CADM2: variants seen among roughly 807,000 people sequenced by gnomAD.
CADM2 encodes the protein immunoglobulin superfamily member 4D.
In CADM2, 12 loss-of-function variants were observed where a neutral mutation model predicts 49.8. The ratio of observed to expected loss-of-function variants is 0.24; its 90% CI spans 0.15 to 0.39. The LOEUF (loss-of-function observed/expected upper bound fraction) is 0.39. CADM2 is among the 10% of genes least tolerant of loss of function. The pLI is 1.00. For missense variants in CADM2, 378 were observed against 492.3 expected (o/e 0.77, Z 2.20); for synonymous variants, 214 against 175.4 (o/e 1.22, Z -1.74).
chr3:85,225,271 T>C (rs950255257), intron 1 of CADM2, among the ~76,000 whole-genome samples: 2 of 152,200 alleles, frequency 1.3e-5, no homozygotes, highest in African/African-American at 4.8e-5. Context: ...TCCTCTTTTA[T>C]TTCCTTGAGC....
chr3:85,387,778 T>C (rs2034312555), intron 1 of CADM2, among the ~76,000 whole-genome samples: 1 of 152,184 alleles, frequency 6.6e-6, no homozygotes, highest in Admixed American at 6.5e-5. Context: ...TTCAATACGA[T>C]TACATTTCTT....
In CADM2 at chr3:85,468,178, AAAAC is replaced by A. The variant is rs1375294397; in HGVS notation, c.62-258342_62-258339del. Among the ~76,000 whole-genome samples, 196 of 150,674 alleles carry A rather than the reference AAAAC, an allele frequency of 1.3e-3. 2 individuals are homozygous for A. Among genetic ancestry groups the A allele is most frequent in the Non-Finnish European group, 1.8e-3 (122 of 67,646 alleles). On this transcript the variant is annotated intron_variant, in intron 1 of 9. Coordinates refer to ENST00000383699, the MANE Select transcript of CADM2 (RefSeq NM_001167675.2). ...CAAAAAAAAAAAAAAAAAAAAAAAA[AAAAC>A]ATTGAGGCAGGAAAACTAATATCGA...
chr3:85,368,048 A>G (rs2032926936), intron 1 of CADM2, among the ~76,000 whole-genome samples: 1 of 152,256 alleles, frequency 6.6e-6, no homozygotes, highest in South Asian at 2.1e-4. Context: ...AATTTATTAC[A>G]CACAAAAATT....
At chr3:85,854,787 A>T (rs142025719) in intron 3 of CADM2, among the ~76,000 whole-genome samples, 6 of 152,282 alleles carry the variant, frequency 3.9e-5, no homozygotes, top group African/African-American at 1.4e-4. Context: ...AATAAAACAA[A>T]TTTAAAAACC....
At chr3:85,423,077 T>C (rs7650284) in intron 1 of CADM2, among the ~76,000 whole-genome samples, 85,765 of 151,786 alleles carry the variant, frequency 0.57, 25,256 homozygotes, top group East Asian at 0.83. Context: ...GGATGGGGAA[T>C]TGGAGAGGGG....
intron 1 of CADM2, among the ~76,000 whole-genome samples, chr3:85,657,675 C>G (rs2065243853): frequency 7.1e-6 from 1 of 141,102 alleles, no homozygotes; most frequent in African/African-American, 2.6e-5. Flanking sequence ...TATGTATATA[C>G]ACACTTATGT....
intron 3 of CADM2, among the ~76,000 whole-genome samples, chr3:85,872,837 T>C (rs2108358446): frequency 6.6e-6 from 1 of 152,194 alleles, no homozygotes; most frequent in Non-Finnish European, 1.5e-5. Context: ...ATATGCTGTC[T>C]CTCGTTTTTA....
chr3:85,931,442 G>GA (rs897020655), intron 6 of CADM2, among the ~76,000 whole-genome samples: 17 of 150,932 alleles, frequency 1.1e-4, no homozygotes, highest in East Asian at 1.9e-4. Flanking sequence ...GACCTTGTCT[G>GA]AAAAAAAAGA....
At chr3:85,194,627 G>T (rs1013839) in intron 1 of CADM2, among the ~76,000 whole-genome samples, 1 of 151,862 alleles carries the variant, frequency 6.6e-6, no homozygotes, top group South Asian at 2.1e-4. Flanking sequence ...GGAGGCAGAG[G>T]GAAGATAAAT....
intron 6 of CADM2, among the ~76,000 whole-genome samples, chr3:85,921,925 T>C (rs1429968894): frequency 6.6e-6 from 1 of 152,152 alleles, no homozygotes; most frequent in African/African-American, 2.4e-5. Context: ...AATGGGAATT[T>C]TGCAGGATGT....
chr3:85,929,209 A>C (rs1166656367), intron 6 of CADM2, among the ~76,000 whole-genome samples: 2 of 152,154 alleles, frequency 1.3e-5, no homozygotes, highest in Non-Finnish European at 2.9e-5. Flanking sequence ...ATAGTAGAGC[A>C]GGAATAAATG....
intron 1 of CADM2, among the ~76,000 whole-genome samples, chr3:85,322,949 C>T (rs1559779081): frequency 1.3e-5 from 2 of 152,080 alleles, no homozygotes; most frequent in South Asian, 4.1e-4. Context: ...ATATTGGTTC[C>T]CAGAAGAACT....
chr3:85,678,486 G>A (rs1237141956), intron 1 of CADM2, among the ~76,000 whole-genome samples: 5 of 152,086 alleles, frequency 3.3e-5, no homozygotes, highest in Non-Finnish European at 4.4e-5. Context: ...AATATTTAGT[G>A]TTATTGCTTT....
At chr3:85,874,511 T>A (rs538423495) in intron 3 of CADM2, among the ~76,000 whole-genome samples, 140 of 152,258 alleles carry the variant, frequency 9.2e-4, no homozygotes, top group African/African-American at 3.2e-3. Flanking sequence ...TGGCTACATA[T>A]GGTGATGGTT....
At chr3:85,391,419 A>G (rs1027905840) in intron 1 of CADM2, among the ~76,000 whole-genome samples, 17 of 152,012 alleles carry the variant, frequency 1.1e-4, no homozygotes, top group Non-Finnish European at 1.5e-5. Flanking sequence ...TAAATAGAGA[A>G]GATTTTCTGG....
intron 8 of CADM2, among the ~76,000 whole-genome samples, chr3:85,984,147 A>G (rs1727803578): frequency 1.3e-5 from 2 of 150,206 alleles, no homozygotes; most frequent in African/African-American, 4.9e-5. Context: ...TATATATTAT[A>G]TATCATATGT....
At chr3:85,842,937 C>A (rs1351268306) in intron 3 of CADM2, among the ~76,000 whole-genome samples, 1 of 151,978 alleles carries the variant, frequency 6.6e-6, no homozygotes, top group Non-Finnish European at 1.5e-5. Flanking sequence ...TAAAAAGATA[C>A]ACAATTGTGG....
At position 85,636,834 on chromosome 3, in the gene CADM2, A is replaced by G. The variant is rs573893475; in HGVS notation, c.62-89688A>G. 5.3e-5 allele frequency among the ~76,000 whole-genome samples: 8 copies of G among 152,354 alleles called. No homozygotes were observed. In the South Asian group the frequency reaches 1.7e-3, roughly 32 times the overall value. ...AACATGCTGTATAAGTTTGTAGCCT[A>G]TGAGCAATAGACTTAAAACCTAGGT... is the stretch of plus-strand genomic sequence containing the variant. On this transcript the variant is annotated intron_variant, in intron 1 of 9. Coordinates refer to ENST00000383699, the MANE Select transcript of CADM2 (RefSeq NM_001167675.2).
At chr3:84,970,818 C>T (rs755634491) in intron 1 of CADM2, among the ~76,000 whole-genome samples, 8 of 152,042 alleles carry the variant, frequency 5.3e-5, no homozygotes, top group Non-Finnish European at 1.2e-4. Context: ...CCTTCTCTAA[C>T]ATGGCTTCTG....
Sources: gnomAD v4.1 joint callset for allele counts (sites outside exome capture counted in the v4.1 genomes callset) on GRCh38, gnomAD v4.1.1 for gene constraint, MANE v1.5 for transcripts, NCBI Gene and HGNC (gene_info 2026-07-23, HGNC 2026-07-21) for gene names.